Variants in PRH1 observed in about 807,000 individuals in gnomAD.
The protein encoded by PRH1 is proline rich protein HaeIII subfamily 1.
A neutral mutation model predicts 7.9 loss-of-function variants in PRH1; 7 were observed. The observed-to-expected ratio is 0.89, with a 90% CI of 0.50 to 1.67. The LOEUF (loss-of-function observed/expected upper bound fraction) is 1.67, where lower values mean the gene tolerates loss of function less well. Ranked by LOEUF, PRH1 falls within the 40% of genes most tolerant of loss-of-function variation. The pLI is 0.00. For synonymous variants in PRH1, 45 were observed against 80.8 expected, an observed-to-expected ratio of 0.56 and a Z score of 2.38; for missense variants, 109 against 223.6, an observed-to-expected ratio of 0.49 and a Z score of 3.27.
intron 1 of PRH1, among the ~76,000 whole-genome samples, chr12:11,102,278 C>T (rs1300065414): frequency 6.6e-6 from 1 of 152,196 alleles, no homozygotes; most frequent in African/African-American, 2.4e-5. Flanking sequence ...CATCACGCTA[C>T]CTGACTTCAA....
chr12:11,094,677 G>A lies in PRH1; in HGVS notation n.124-47489C>T, dbSNP rs182506074. 1.4e-3 allele frequency among the ~76,000 whole-genome samples: 156 copies of A among 114,830 alleles called. 37 individuals are homozygous for A. The highest frequency in any genetic ancestry group is 7.9e-3 in the Admixed American group (90 of 11,436). 75.3% of individuals were successfully genotyped at this position (114,830 alleles called of 152,430 possible). ...ATACAAATATTTGATATTTCCCTTC[G>A]GTATATAATGAGATGAGTAATAATA... On this transcript the variant is annotated intron_variant and non_coding_transcript_variant, in intron 1 of 4. Coordinates refer to the PRH1 transcript ENST00000541977.
intron 1 of PRH1, among the ~76,000 whole-genome samples, chr12:11,148,248 C>T (rs1946934394): frequency 6.6e-6 from 1 of 150,850 alleles, no homozygotes; most frequent in Non-Finnish European, 1.5e-5. Flanking sequence ...GACAATTTGA[C>T]TTCCTCTTTT....
At chr12:10,990,121 C>T (rs897058718) in intron 1 of PRH1, among the ~76,000 whole-genome samples, 1 of 152,104 alleles carries the variant, frequency 6.6e-6, no homozygotes, top group Non-Finnish European at 1.5e-5. Context: ...GGCATAAAAA[C>T]AGACACATAG....
At chr12:11,080,771 T>A (rs1414912890) in intron 1 of PRH1, among the ~76,000 whole-genome samples, 1 of 42,038 alleles carries the variant, frequency 2.4e-5, no homozygotes, top group East Asian at 9.7e-4. Context: ...CTGAAAAATA[T>A]CATTTTCAAT....
At chr12:11,064,684 A>T (rs73053071) in intron 1 of PRH1, among the ~76,000 whole-genome samples, 3 of 145,246 alleles carry the variant, frequency 2.1e-5, no homozygotes, top group African/African-American at 5.0e-5. Flanking sequence ...TTATTATTTT[A>T]TGCAGTAAAC....
intron 1 of PRH1, among the ~76,000 whole-genome samples, chr12:11,064,816 C>G (rs1427720472): frequency 6.6e-6 from 1 of 152,042 alleles, no homozygotes; most frequent in Non-Finnish European, 1.5e-5. Context: ...CACCCATAAT[C>G]TCAACATTTT....
At chr12:10,909,797 CAA>C (rs1377333865) in intron 2 of PRH1, among the ~76,000 whole-genome samples, 1 of 152,112 alleles carries the variant, frequency 6.6e-6, no homozygotes, top group Non-Finnish European at 1.5e-5. Flanking sequence ...ATAAAATATG[CAA>C]AGACTTACCT....
intron 2 of PRH1, among the ~76,000 whole-genome samples, chr12:10,947,995 C>A (rs566999704): frequency 6.6e-6 from 1 of 152,184 alleles, no homozygotes; most frequent in African/African-American, 2.4e-5. Flanking sequence ...GCTGACAGAT[C>A]TGCTGTTACC....
chr12:10,988,483 ACT>A (rs1939761977), intron 1 of PRH1, among the ~76,000 whole-genome samples: 1 of 151,720 alleles, frequency 6.6e-6, no homozygotes, highest in Non-Finnish European at 1.5e-5. Context: ...TCCTACTTCA[ACT>A]CTCTAAGAGT....
Position 10,938,765 on chromosome 12 carries a change from A to C in PRH1, c.-59+34890T>G, listed in dbSNP as rs760162445. The C allele has an allele frequency of 6.2e-7, 1 of 1,613,844 alleles. No homozygotes were observed. The highest frequency in any genetic ancestry group is 1.7e-5 in the Admixed American group (1 of 59,960). ...GATACTGGCATTTATATGGATGTTTATCAGTGCAATATTTAAAAACAAGAA... is the reference window on the plus strand; with the variant it reads ...GATACTGGCATTTATATGGATGTTTCTCAGTGCAATATTTAAAAACAAGAA... On this transcript the variant is annotated intron_variant, in intron 2 of 3. Coordinates refer to the PRH1 transcript ENST00000539853.
chr12:11,145,605 G>A (rs937001629), intron 1 of PRH1, among the ~76,000 whole-genome samples: 4 of 152,066 alleles, frequency 2.6e-5, no homozygotes, highest in Admixed American at 1.3e-4. Context: ...TTCTAAAACA[G>A]AAAAGGATTT....
chr12:10,896,078 T>C (rs1289200266), intron 2 of PRH1, among the ~76,000 whole-genome samples: 3 of 152,232 alleles, frequency 2.0e-5, no homozygotes, highest in Non-Finnish European at 4.4e-5. Context: ...TTTTTTCCCT[T>C]GAGGGTATCA....
chr12:11,049,305 T>C (rs879285540), upstream of PRH1: 20 of 494,008 alleles, frequency 4.0e-5, no homozygotes, highest in Non-Finnish European at 5.3e-5. Flanking sequence ...ATAACACTGG[T>C]TGTGATTCCC....
chr12:10,997,114 C>A, intron 1 of PRH1: 1 of 1,613,978 alleles, frequency 6.2e-7, no homozygotes, highest in East Asian at 2.2e-5. Flanking sequence ...CTTTTGGTCG[C>A]ATCTTAAAAT....
At chr12:11,135,389 A>C (rs1386216355) in intron 1 of PRH1, among the ~76,000 whole-genome samples, 1 of 152,160 alleles carries the variant, frequency 6.6e-6, no homozygotes, top group Non-Finnish European at 1.5e-5. Context: ...TCCCAGAAGG[A>C]GAATCAGAAA....
At chr12:11,016,245 A>G (rs1394653096) in intron 1 of PRH1, among the ~76,000 whole-genome samples, 2 of 152,170 alleles carry the variant, frequency 1.3e-5, no homozygotes, top group African/African-American at 4.8e-5. Context: ...TTACCTTATA[A>G]AAGTGTCTGC....
In PRH1 at chr12:10,927,619, C is replaced by G. The variant is rs533422574; in HGVS notation, c.-58-43344G>C. 5.9e-5 allele frequency among the ~76,000 whole-genome samples: 9 copies of G among 152,306 alleles called. No individual in the cohort carries two copies. In the East Asian group the frequency reaches 1.5e-3, roughly 26 times the overall value. ...TAGAAAAATCTAATCTATTAGGAAG[C>G]CTTCTTGTTTTGTTATCTGCAACTC... On this transcript the variant is annotated intron_variant, in intron 2 of 3. Coordinates refer to the PRH1 transcript ENST00000539853.
Position 10,990,822 on chromosome 12 carries a change from A to G in PRH1, c.-125-17101T>C, listed in dbSNP as rs189955571. On this transcript the variant is annotated intron_variant, in intron 1 of 3. Coordinates refer to the PRH1 transcript ENST00000539853. The stretch of plus-strand genomic sequence containing the variant: ...AGGGTAGAACCAACAAGAGGGTAGA[A>G]CCAACAAAATTTGCTGATGCCTTAG... 5.9e-5 allele frequency among the ~76,000 whole-genome samples: 9 copies of G among 152,342 alleles called. No individual in the cohort carries two copies. In the East Asian group the frequency reaches 1.7e-3, roughly 29 times the overall value.
At chr12:11,124,648 G>C (rs1050236805) in intron 1 of PRH1, among the ~76,000 whole-genome samples, 2 of 140,024 alleles carry the variant, frequency 1.4e-5, no homozygotes, top group South Asian at 4.7e-4. Context: ...TTATGTAAAC[G>C]TTGTCCAAAT....
Sources: allele counts gnomAD v4.1 joint callset (sites outside exome capture counted in the v4.1 genomes callset), GRCh38; gene constraint gnomAD v4.1.1; transcripts MANE v1.5; gene names NCBI Gene and HGNC (gene_info 2026-07-23, HGNC 2026-07-21).